The following SEL1L3 variants were observed in gnomAD, a reference collection of about 807,000 sequenced individuals.
SEL1L3 encodes the protein SEL1L family member 3, also known as protein sel-1 homolog 3.
In SEL1L3, 76 loss-of-function variants were observed where a neutral mutation model predicts 142.8. That is an observed-to-expected ratio of 0.53 (90% CI 0.44 to 0.64). The LOEUF is 0.64. Ranked by LOEUF, SEL1L3 falls within the 30% of genes least tolerant of loss-of-function variation. The pLI, the probability that SEL1L3 is intolerant of heterozygous loss-of-function variation, is 0.00. For synonymous variants in SEL1L3, 504 were observed against 519.6 expected (o/e 0.97, Z 0.41); for missense variants, 1,262 against 1,381.7 (o/e 0.91, Z 1.37).
At chr4:25,790,944 G>A (rs2109193505) in intron 11 of SEL1L3, among the ~76,000 whole-genome samples, 1 of 152,354 alleles carries the variant, frequency 6.6e-6, no homozygotes, top group Non-Finnish European at 1.5e-5. Flanking sequence ...TGCCTACAAT[G>A]ACATAAGGTC....
the SEL1L3 span, among the ~76,000 whole-genome samples, chr4:25,721,259 G>C: frequency 6.6e-6 from 1 of 151,698 alleles, no homozygotes; most frequent in Non-Finnish European, 1.5e-5. Context: ...GTTCTGATAA[G>C]GAGCTGCTAA....
In SEL1L3 at chr4:25,782,241, C is replaced by T; in HGVS notation, c.2457+1G>A. 6.2e-7 allele frequency: 1 copy of T among 1,613,332 alleles called. No individual in the cohort carries two copies. On this transcript the variant is annotated splice_donor_variant, in intron 15 of 23. Coordinates refer to ENST00000399878, the MANE Select transcript of SEL1L3 (RefSeq NM_015187.5). LOFTEE classifies it high-confidence loss of function. The stretch of plus-strand genomic sequence containing the variant: ...CAGAGTGGGTCTCAAGTCCTACTCA[C>T]TTGATTCCTTCCAGGAACTCCAGGG...
At chr4:25,813,454 A>C (rs1714163890) in intron 9 of SEL1L3, among the ~76,000 whole-genome samples, 1 of 152,220 alleles carries the variant, frequency 6.6e-6, no homozygotes, top group Non-Finnish European at 1.5e-5. Flanking sequence ...CCAGTCACCA[A>C]AAGACAAATA....
At position 25,788,401 on chromosome 4, in the gene SEL1L3, CT is replaced by C; in HGVS notation, c.2077-38del. The C allele has an allele frequency of 6.2e-7, 1 of 1,605,782 alleles. No individual in the cohort carries two copies. The highest frequency in any genetic ancestry group is 8.5e-7 in the Non-Finnish European group (1 of 1,175,400). On this transcript the variant is annotated intron_variant, in intron 12 of 23. Transcript: ENST00000399878. This position sits in a 1 kb window ranked among gnomAD's most constrained non-coding sequence, Gnocchi z 5.3. ...TAGCAATTTAGAACAATGACTTTTC[CT>C]GTATAATGCTTAACACAAGATTTTG...
the SEL1L3 span, among the ~76,000 whole-genome samples, chr4:25,732,236 A>G: frequency 3.3e-5 from 5 of 152,230 alleles, no homozygotes; most frequent in African/African-American, 1.2e-4. Flanking sequence ...TAGCAAATAA[A>G]AATACAAGGC....
intron 23 of SEL1L3, among the ~76,000 whole-genome samples, chr4:25,754,565 C>T (rs767627369): frequency 4.0e-5 from 6 of 151,728 alleles, no homozygotes; most frequent in East Asian, 2.0e-4. Context: ...GTACCACTGT[C>T]GGGGCACATT....
chr4:25,820,293 C>T (rs981341996), intron 7 of SEL1L3, among the ~76,000 whole-genome samples: 7 of 147,564 alleles, frequency 4.7e-5, no homozygotes, highest in Non-Finnish European at 7.3e-5. Flanking sequence ...GTACCCACGA[C>T]GTGCCTGCTG....
At chr4:25,757,032 A>G (rs1418833370) in intron 23 of SEL1L3, 1 of 1,015,270 alleles carries the variant, frequency 9.8e-7, no homozygotes, top group African/African-American at 1.7e-5. Flanking sequence ...CTTCAGGAGG[A>G]TGAGGCAGCC....
At chr4:25,717,785 G>A in the SEL1L3 span, among the ~76,000 whole-genome samples, 3 of 152,222 alleles carry the variant, frequency 2.0e-5, no homozygotes, top group Non-Finnish European at 1.5e-5. Flanking sequence ...GGCAAGTCAC[G>A]TAATCTCTTT....
chr4:25,736,383 C>T, the SEL1L3 span, among the ~76,000 whole-genome samples: 1 of 151,778 alleles, frequency 6.6e-6, no homozygotes, highest in Non-Finnish European at 1.5e-5. Flanking sequence ...ACCACCACGC[C>T]TAGCTAATTT....
chr4:25,803,297 T>G (rs11940347), intron 10 of SEL1L3, among the ~76,000 whole-genome samples: 1,772 of 150,220 alleles, frequency 0.012, 30 homozygotes, highest in African/African-American at 0.039. Context: ...TATTCCACCC[T>G]TGTGGGGACT....
At chr4:25,768,044 G>A (rs1718879994) in intron 17 of SEL1L3, among the ~76,000 whole-genome samples, 1 of 152,134 alleles carries the variant, frequency 6.6e-6, no homozygotes, top group South Asian at 2.1e-4. Flanking sequence ...CAAGGCTGGG[G>A]AGCTAGTTGA....
chr4:25,862,654 C>G (rs1347129911), intron 1 of SEL1L3, 21 bp downstream of exon 1: 1 of 1,239,334 alleles, frequency 8.1e-7, no homozygotes, highest in Admixed American at 4.2e-5. Flanking sequence ...GGGGAAGACC[C>G]GGGCAGGGTC....
intron 1 of SEL1L3, among the ~76,000 whole-genome samples, chr4:25,858,033 G>A (rs1259908138): frequency 2.6e-5 from 4 of 152,226 alleles, no homozygotes; most frequent in Admixed American, 6.5e-5. Flanking sequence ...GGCCGAACAC[G>A]CCTCCTGCCC....
chr4:25,759,121 C>G, intron 20 of SEL1L3, 53 bp from the exon 21 acceptor site: 1 of 1,583,634 alleles, frequency 6.3e-7, no homozygotes, highest in East Asian at 2.2e-5. Context: ...AAAACCTAGA[C>G]ACACACTCTT....
At chr4:25,745,782 G>A (rs910530784), downstream of SEL1L3, among the ~76,000 whole-genome samples, 25 of 152,340 alleles carry the variant, frequency 1.6e-4, no homozygotes, top group Admixed American at 4.6e-4. Flanking sequence ...CACTGGCCAC[G>A]GGCTGCTCTT....
chr4:25,732,394 A>G, the SEL1L3 span, among the ~76,000 whole-genome samples: 1 of 152,214 alleles, frequency 6.6e-6, no homozygotes, highest in Non-Finnish European at 1.5e-5. Context: ...TGGGAAGTGT[A>G]TGAGTAACAT....
intron 17 of SEL1L3, among the ~76,000 whole-genome samples, chr4:25,771,017 TA>T (rs1478097743): frequency 3.9e-5 from 6 of 152,250 alleles, no homozygotes; most frequent in Non-Finnish European, 5.9e-5. Flanking sequence ...AACAGCTTAT[TA>T]AAACTTCTGA....
the SEL1L3 span, among the ~76,000 whole-genome samples, chr4:25,725,970 CG>C: frequency 6.6e-6 from 1 of 152,128 alleles, no homozygotes; most frequent in East Asian, 1.9e-4. Flanking sequence ...TCCTCGTGAC[CG>C]GTATCTTGTG....
Sources: gnomAD v4.1 joint callset for allele counts (sites outside exome capture counted in the v4.1 genomes callset) on GRCh38, gnomAD v4.1.1 for gene constraint, Gnocchi (gnomAD v3.1) non-coding constraint, MANE v1.5 for transcripts, NCBI Gene and HGNC (gene_info 2026-07-23, HGNC 2026-07-21) for gene names.